UTRN: variants seen among roughly 807,000 people sequenced by gnomAD.
UTRN encodes the protein utrophin, also known as dystrophin-related protein 1.
Under a neutral mutation model 463.9 loss-of-function variants are expected in UTRN, and 283 were observed. That is an observed-to-expected ratio of 0.61 (90% confidence interval 0.55 to 0.67). The LOEUF (loss-of-function observed/expected upper bound fraction) is 0.67. Among genes scored for constraint, UTRN ranks in the 30% least tolerant of loss-of-function variants. The pLI is 0.00. For missense variants in UTRN, 3,922 were observed against 4,084.3 expected (o/e 0.96, Z 1.08); for synonymous variants, 1,442 against 1,431.5 (o/e 1.01, Z -0.17).
chr6:144,386,593 C>A (rs1010189006), intron 2 of UTRN, among the ~76,000 whole-genome samples: 5 of 151,930 alleles, frequency 3.3e-5, no homozygotes, highest in African/African-American at 1.2e-4. Flanking sequence ...CAATTTATAC[C>A]CTTTTAGGCA....
intron 59 of UTRN, 144 bp from the exon 60 acceptor site, chr6:144,774,146 C>T (rs960151023): frequency 2.4e-5 from 18 of 747,490 alleles, no homozygotes; most frequent in East Asian, 2.0e-4. Flanking sequence ...TTCTTAAATA[C>T]GTGTTGGGGA....
chr6:144,632,940 T>C (rs149361340), intron 51 of UTRN, among the ~76,000 whole-genome samples: 4,923 of 151,984 alleles, frequency 0.032, 259 homozygotes, highest in African/African-American at 0.1. Context: ...AGGCTGGTCT[T>C]GAACTCTCAA....
intron 2 of UTRN, among the ~76,000 whole-genome samples, chr6:144,348,944 C>T (rs914808264): frequency 1.2e-4 from 18 of 150,856 alleles, no homozygotes; most frequent in Non-Finnish European, 2.2e-4. Context: ...CAAAAAAAAA[C>T]AAAAACAAAA....
chr6:144,660,295 C>T (rs1375774299), intron 51 of UTRN: 1 of 471,050 alleles, frequency 2.1e-6, no homozygotes, highest in Admixed American at 2.3e-5. Context: ...AAGCAAACTT[C>T]ATGAATGTAC....
chr6:144,514,733 A>C lies in UTRN; in HGVS notation c.5157A>C (p.Gly1719=), dbSNP rs2128592174. The C allele has an allele frequency of 6.2e-7, 1 of 1,614,180 alleles. No individual in the cohort carries two copies. Among genetic ancestry groups the C allele is most frequent in the East Asian group, 2.2e-5 (1 of 44,872 alleles). ...CCCTTATTTTGATGAATGCCCGTGG[A>C]AGCTCAAGCAGGGAGCTTGTAGAAC... The part of the protein sequence containing the change: ...DQALILMNAR[G]SSSRELVEPK... The change falls in exon 37 of 75, where the codon GGA becomes GGC. Residue 1719 remains glycine, a synonymous_variant. Coordinates refer to ENST00000367545, the MANE Select transcript of UTRN (RefSeq NM_007124.3).
At chr6:144,564,140 A>G (rs1370384845) in intron 50 of UTRN, among the ~76,000 whole-genome samples, 3 of 152,192 alleles carry the variant, frequency 2.0e-5, no homozygotes, top group Non-Finnish European at 4.4e-5. Context: ...GGAAGCTGAC[A>G]TTGCATAGGG....
Position 144,466,914 on chromosome 6 carries a change from C to G in UTRN, c.3066+4048C>G, listed in dbSNP as rs147309920. 6.8e-3 allele frequency among the ~76,000 whole-genome samples: 1,029 copies of G among 152,322 alleles called. 8 individuals are homozygous for G. Among genetic ancestry groups the G allele is most frequent in the African/African-American group, 0.023 (969 of 41,560 alleles). ...AGGCCCTTCCTTCTGGGTTCAGGCTCTCATGCAATCTCTTTCCCTGAAAAT... is the reference window on the plus strand; with the variant it reads ...AGGCCCTTCCTTCTGGGTTCAGGCTGTCATGCAATCTCTTTCCCTGAAAAT... On this transcript the variant is annotated intron_variant, in intron 23 of 74. Coordinates refer to ENST00000367545, the MANE Select transcript of UTRN (RefSeq NM_007124.3).
chr6:144,842,986 T>C (rs936797646), intron 73 of UTRN, among the ~76,000 whole-genome samples: 1 of 152,226 alleles, frequency 6.6e-6, no homozygotes, highest in Non-Finnish European at 1.5e-5. Flanking sequence ...TTAAAACTAG[T>C]TTATTAATTA....
rs1303272025 is a variant in UTRN, at chr6:144,428,797, G to A, written c.598G>A (p.Asp200Asn). ...HRHKPDLFSWDKVVKMSPIER... is the reference protein window; with the variant it reads ...HRHKPDLFSWNKVVKMSPIER... ...TTTCAGACCTGATCTCTTCAGCTGG[G>A]ATAAAGTTGTCAAAATGTCACCAAT... The change falls in exon 8 of 75, where the codon GAT becomes AAT. Residue 200 changes from aspartate (D) to asparagine (N), a missense_variant. This residue lies in a region of UTRN where 264 missense variants were observed against 327.9 expected (regional missense o/e 0.81). Transcript: ENST00000367545. 1 of 1,609,348 alleles carries A rather than the reference G, an allele frequency of 6.2e-7. No homozygotes were observed. Among genetic ancestry groups the A allele is most frequent in the Non-Finnish European group, 8.5e-7 (1 of 1,178,242 alleles).
intron 2 of UTRN, among the ~76,000 whole-genome samples, chr6:144,334,675 A>C (rs139923227): frequency 3.3e-5 from 5 of 152,288 alleles, no homozygotes; most frequent in African/African-American, 1.2e-4. Flanking sequence ...GCATAGTATC[A>C]TTTACTTTCA....
intron 2 of UTRN, among the ~76,000 whole-genome samples, chr6:144,350,334 A>G (rs1294768753): frequency 6.6e-6 from 1 of 151,878 alleles, no homozygotes; most frequent in Non-Finnish European, 1.5e-5. Context: ...CTCCAAAACC[A>G]TTGTTAATAG....
intron 61 of UTRN, among the ~76,000 whole-genome samples, chr6:144,784,010 C>T (rs1364376586): frequency 6.6e-6 from 1 of 152,212 alleles, no homozygotes; most frequent in African/African-American, 2.4e-5. Flanking sequence ...TTTGAATCCT[C>T]AGAAGATGCT....
chr6:144,693,733 T>C (rs1366698617), intron 52 of UTRN, among the ~76,000 whole-genome samples: 1 of 151,326 alleles, frequency 6.6e-6, no homozygotes, highest in Non-Finnish European at 1.5e-5. Context: ...TTTTTGCACA[T>C]TGATTTTTTT....
intron 61 of UTRN, among the ~76,000 whole-genome samples, chr6:144,785,727 A>T (rs1776239216): frequency 6.6e-6 from 1 of 152,196 alleles, no homozygotes; most frequent in Admixed American, 6.5e-5. Context: ...AATTGAAATA[A>T]AAATATCCAC....
chr6:144,475,108 G>C (rs2128570040), intron 25 of UTRN, among the ~76,000 whole-genome samples: 1 of 152,256 alleles, frequency 6.6e-6, no homozygotes, highest in Non-Finnish European at 1.5e-5. Context: ...AGGCACTGCA[G>C]GTACAGCATT....
intron 65 of UTRN, among the ~76,000 whole-genome samples, chr6:144,804,025 A>G (rs572694763): frequency 2.6e-5 from 4 of 152,058 alleles, no homozygotes; most frequent in East Asian, 1.9e-4. Flanking sequence ...ATTTACAGCT[A>G]TTTTTTCCTG....
At chr6:144,428,717 C>T in intron 7 of UTRN, 61 bp from the exon 8 acceptor site, 1 of 919,530 alleles carries the variant, frequency 1.1e-6, no homozygotes, top group Non-Finnish European at 1.6e-6. Context: ...TAGATTATAA[C>T]AATGCCTACT....
chr6:144,750,845 G>A (rs1791316887), intron 55 of UTRN, among the ~76,000 whole-genome samples: 1 of 151,986 alleles, frequency 6.6e-6, no homozygotes. Flanking sequence ...TTCTTTACTG[G>A]GAACGTCAAG....
At chr6:144,443,839 A>T (rs2114909490) in intron 13 of UTRN, among the ~76,000 whole-genome samples, 1 of 152,268 alleles carries the variant, frequency 6.6e-6, no homozygotes, top group South Asian at 2.1e-4. Context: ...GGTACCACAG[A>T]TGAAAATTTT....
Sources: allele counts gnomAD v4.1 joint callset (sites outside exome capture counted in the v4.1 genomes callset), GRCh38; gene constraint gnomAD v4.1.1; regional missense constraint gnomAD v4.1.1; transcripts MANE v1.5; gene names NCBI Gene and HGNC (gene_info 2026-07-23, HGNC 2026-07-21).